The following GPC6 variants were observed in gnomAD, a reference collection of about 807,000 sequenced individuals.
GPC6 encodes the protein glypican-6.
In GPC6, 14 loss-of-function variants were observed where a neutral mutation model predicts 55.2. The ratio of observed to expected loss-of-function variants is 0.25; its 90% confidence interval spans 0.17 to 0.40. The LOEUF is 0.40. GPC6 is among the 10% of genes least tolerant of loss of function. The pLI is 1.00. For synonymous variants in GPC6, 278 were observed against 259.6 expected (o/e 1.07, Z -0.68); for missense variants, 641 against 708.5 (o/e 0.90, Z 1.08).
intron 3 of GPC6, among the ~76,000 whole-genome samples, chr13:94,021,562 C>T (rs1190963530): frequency 6.6e-6 from 1 of 151,932 alleles, no homozygotes; most frequent in South Asian, 2.1e-4. Flanking sequence ...CCCCACAATA[C>T]AGCTTTATTA....
At chr13:93,356,728 A>G (rs1458174330) in intron 1 of GPC6, among the ~76,000 whole-genome samples, 2 of 152,206 alleles carry the variant, frequency 1.3e-5, no homozygotes, top group African/African-American at 2.4e-5. Context: ...CTACTATGCA[A>G]GGTGTATCTT....
At chr13:93,898,811 C>G (rs1399209977) in intron 3 of GPC6, among the ~76,000 whole-genome samples, 1 of 151,556 alleles carries the variant, frequency 6.6e-6, no homozygotes, top group Non-Finnish European at 1.5e-5. Flanking sequence ...TTAGGAAGGG[C>G]AAGCCCAGGT....
chr13:93,248,053 C>T (rs1042583579), intron 1 of GPC6, among the ~76,000 whole-genome samples: 1 of 152,126 alleles, frequency 6.6e-6, no homozygotes, highest in African/African-American at 2.4e-5. Flanking sequence ...GATAATATTA[C>T]AAGAAGTTAT....
At chr13:93,474,108 T>C (rs907414953) in intron 1 of GPC6, among the ~76,000 whole-genome samples, 1 of 152,184 alleles carries the variant, frequency 6.6e-6, no homozygotes, top group Admixed American at 6.5e-5. Flanking sequence ...CTGTGGAAAC[T>C]GTTGATATTT....
At chr13:93,990,960 A>AGAAGGAAGGAAGGAAGGAAGGAAGAAAG (rs1881276103) in intron 3 of GPC6, among the ~76,000 whole-genome samples, 2 of 150,310 alleles carry the variant, frequency 1.3e-5, no homozygotes, top group Admixed American at 6.6e-5. Flanking sequence ...AAGGAAGGAA[A>AGAAGGAAGGAAGGAAGGAAGGAAGAAAG]GAAGGAAGGA....
chr13:93,284,376 GTAGT>G (rs1197903145), intron 1 of GPC6, among the ~76,000 whole-genome samples: 1 of 152,172 alleles, frequency 6.6e-6, no homozygotes, highest in Non-Finnish European at 1.5e-5. Flanking sequence ...ATTTATACCA[GTAGT>G]TAGTTGCTTT....
At chr13:93,500,598 AT>A (rs1880484359) in intron 1 of GPC6, among the ~76,000 whole-genome samples, 1 of 152,192 alleles carries the variant, frequency 6.6e-6, no homozygotes, top group African/African-American at 2.4e-5. Flanking sequence ...CTTCTTCAAC[AT>A]TAACTCGTAT....
chr13:93,236,401 T>C (rs929888210), intron 1 of GPC6, among the ~76,000 whole-genome samples: 7 of 152,006 alleles, frequency 4.6e-5, no homozygotes, highest in African/African-American at 1.7e-4. Context: ...CCCTACTTCT[T>C]AGTCTCCGGT....
At chr13:94,226,449 A>G (rs1890560682) in intron 4 of GPC6, among the ~76,000 whole-genome samples, 1 of 152,144 alleles carries the variant, frequency 6.6e-6, no homozygotes, top group African/African-American at 2.4e-5. Flanking sequence ...CCACAAAGAA[A>G]CGATAAGTGC....
chr13:93,485,758 A>T (rs1452539429), intron 1 of GPC6, among the ~76,000 whole-genome samples: 1 of 152,276 alleles, frequency 6.6e-6, no homozygotes, highest in Admixed American at 6.5e-5. Context: ...GGGTACAGTA[A>T]TGGTTAGTTT....
chr13:94,326,243 A>T (rs1172196830), intron 6 of GPC6, among the ~76,000 whole-genome samples: 1 of 150,740 alleles, frequency 6.6e-6, no homozygotes, highest in Non-Finnish European at 1.5e-5. Flanking sequence ...ACACAGGCAC[A>T]TATATTCCAA....
At chr13:93,427,884 G>A (rs150605442) in intron 1 of GPC6, among the ~76,000 whole-genome samples, 69 of 152,270 alleles carry the variant, frequency 4.5e-4, no homozygotes, top group Non-Finnish European at 8.4e-4. Context: ...ATGCAGGCTT[G>A]TAGACTTAGT....
intron 1 of GPC6, among the ~76,000 whole-genome samples, chr13:93,411,406 T>A (rs1178187970): frequency 3.3e-5 from 5 of 152,178 alleles, no homozygotes; most frequent in Non-Finnish European, 5.9e-5. Context: ...TCAGTCTGAT[T>A]ATCTTAGTGG....
chr13:93,707,997 T>G (rs1293676461), intron 2 of GPC6, among the ~76,000 whole-genome samples: 1 of 151,828 alleles, frequency 6.6e-6, no homozygotes, highest in Non-Finnish European at 1.5e-5. Context: ...CCAATTCCTA[T>G]TAATTTTGAT....
At chr13:93,354,456 T>C (rs1000167306) in intron 1 of GPC6, among the ~76,000 whole-genome samples, 3 of 148,824 alleles carry the variant, frequency 2.0e-5, no homozygotes, top group Non-Finnish European at 4.4e-5. Flanking sequence ...GTTCACGCCA[T>C]TCTCCTGCCT....
At chr13:94,379,231 T>C (rs1430370168) in intron 6 of GPC6, among the ~76,000 whole-genome samples, 1 of 152,208 alleles carries the variant, frequency 6.6e-6, no homozygotes, top group Non-Finnish European at 1.5e-5. Flanking sequence ...TATAAATGAA[T>C]CAAAGGCATG....
chr13:94,096,444 T>C (rs1223459061), intron 4 of GPC6, among the ~76,000 whole-genome samples: 1 of 152,136 alleles, frequency 6.6e-6, no homozygotes, highest in Non-Finnish European at 1.5e-5. Flanking sequence ...CTCCTGTGTA[T>C]AAACCAATAT....
chr13:93,681,769 T>A (rs931306636), intron 2 of GPC6, among the ~76,000 whole-genome samples: 1 of 152,190 alleles, frequency 6.6e-6, no homozygotes, highest in African/African-American at 2.4e-5. Context: ...CAGAGAAATG[T>A]CTAAATTTTC....
rs537680319 is a variant in GPC6 at position 94,310,728 on chromosome 13, G to A, written c.1152+4605G>A. Among the ~76,000 whole-genome samples the A allele has an allele frequency of 3.3e-5, 5 of 151,994 alleles. No homozygotes were observed. The East Asian group carries it at 9.7e-4, about 30-fold the overall frequency. ...TTGTTTAGTCATTTCCTCTCTGCTT[G>A]TGATTTATGGTTAACAACCATTTTC... On this transcript the variant is annotated intron_variant, in intron 6 of 8. Coordinates refer to ENST00000377047, the MANE Select transcript of GPC6 (RefSeq NM_005708.5).
Sources: allele counts gnomAD v4.1 joint callset (sites outside exome capture counted in the v4.1 genomes callset), GRCh38; gene constraint gnomAD v4.1.1; transcripts MANE v1.5; gene names NCBI Gene and HGNC (gene_info 2026-07-23, HGNC 2026-07-21).